Variants in MECOM observed in about 807,000 individuals in gnomAD.
MECOM encodes MDS1 and EVI1 complex locus, also known as histone-lysine N-methyltransferase MECOM.
Under a neutral mutation model 116.3 loss-of-function variants are expected in MECOM, and 13 were observed. That is an observed-to-expected ratio of 0.11 (90% CI 0.07 to 0.18). The LOEUF (loss-of-function observed/expected upper bound fraction) is 0.18, where lower values mean the gene tolerates loss of function less well. Among genes scored for constraint, MECOM ranks in the 10% least tolerant of loss-of-function variants. MECOM has a pLI of 1.00. For missense variants in MECOM, 1,299 were observed against 1,509.0 expected (o/e 0.86, Z 2.31); for synonymous variants, 528 against 535.2 (o/e 0.99, Z 0.19).
chr3:169,509,921 C>T (rs1017222364), intron 1 of MECOM, among the ~76,000 whole-genome samples: 3 of 152,226 alleles, frequency 2.0e-5, no homozygotes, highest in East Asian at 1.9e-4. Flanking sequence ...ATCAGGCTTA[C>T]GCATCTCTTG....
chr3:169,602,928 A>G (rs1340776612), intron 1 of MECOM, among the ~76,000 whole-genome samples: 1 of 152,220 alleles, frequency 6.6e-6, no homozygotes, highest in African/African-American at 2.4e-5. Context: ...TATGTGGTGA[A>G]TAAGTTCACA....
At chr3:169,291,829 T>C (rs1051310065) in intron 2 of MECOM, among the ~76,000 whole-genome samples, 7 of 152,222 alleles carry the variant, frequency 4.6e-5, no homozygotes, top group African/African-American at 1.7e-4. Context: ...TGATTCTGTG[T>C]CTAAATTTGA....
At chr3:169,598,377 A>G (rs933607) in intron 1 of MECOM, among the ~76,000 whole-genome samples, 57,829 of 152,076 alleles carry the variant, frequency 0.38, 11,646 homozygotes, top group East Asian at 0.55. Flanking sequence ...ACTGGCTGAA[A>G]ATTTTTCAAA....
chr3:169,523,630 C>G (rs922168919), intron 1 of MECOM, among the ~76,000 whole-genome samples: 1 of 152,056 alleles, frequency 6.6e-6, no homozygotes, highest in African/African-American at 2.4e-5. Context: ...TGTAACCATT[C>G]CCAAACTTCT....
At chr3:169,355,398 G>A (rs1258426411) in intron 2 of MECOM, among the ~76,000 whole-genome samples, 1 of 151,906 alleles carries the variant, frequency 6.6e-6, no homozygotes, top group African/African-American at 2.4e-5. Context: ...GTTTTCAAAA[G>A]TGAATGTATA....
intron 1 of MECOM, among the ~76,000 whole-genome samples, chr3:169,647,499 T>C (rs868256584): frequency 6.6e-6 from 1 of 152,130 alleles, no homozygotes; most frequent in Non-Finnish European, 1.5e-5. Flanking sequence ...AAATATGCTT[T>C]GAAAAATGTT....
intron 1 of MECOM, among the ~76,000 whole-genome samples, chr3:169,487,744 C>A (rs754809925): frequency 5.9e-5 from 8 of 135,716 alleles, no homozygotes; most frequent in Non-Finnish European, 9.2e-5. Flanking sequence ...GAAACAAAAT[C>A]CAGCTATGTG....
intron 2 of MECOM, among the ~76,000 whole-genome samples, chr3:169,188,895 G>C (rs767807639): frequency 1.8e-4 from 27 of 152,152 alleles, no homozygotes; most frequent in Admixed American, 1.2e-3. Context: ...ATGTTACAAA[G>C]GCTGTGATGA....
chr3:169,131,000 T>C (rs553246958), intron 4 of MECOM, among the ~76,000 whole-genome samples: 57 of 152,262 alleles, frequency 3.7e-4, no homozygotes, highest in African/African-American at 1.0e-3. Flanking sequence ...CCCTCCCATA[T>C]GGTCATATTG....
At chr3:169,649,817 G>A (rs1413452542) in intron 1 of MECOM, among the ~76,000 whole-genome samples, 1 of 152,172 alleles carries the variant, frequency 6.6e-6, no homozygotes, top group Non-Finnish European at 1.5e-5. Flanking sequence ...ATCCCTTAAA[G>A]ATTTATATGA....
rs1439641801 is a variant in MECOM at position 169,127,797 on chromosome 3, T to C, written c.830+47A>G. The C allele has an allele frequency of 1.9e-6, 3 of 1,551,140 alleles. No individual in the cohort carries two copies. In the East Asian group the frequency reaches 6.8e-5, roughly 35 times the overall value. On this transcript the variant is annotated intron_variant, in intron 5 of 16. Coordinates refer to ENST00000651503, the MANE Select transcript of MECOM (RefSeq NM_004991.4). The stretch of plus-strand genomic sequence containing the variant: ...AAAGCCTCAAAATTCAGCATAACAT[T>C]GCAGAAAAAATACACAAGTTGTATG...
intron 1 of MECOM, among the ~76,000 whole-genome samples, chr3:169,443,263 A>G (rs910962846): frequency 6.6e-6 from 1 of 152,006 alleles, no homozygotes; most frequent in East Asian, 1.9e-4. Context: ...CAAAGATTCC[A>G]TTCATGCCCC....
At chr3:169,210,272 C>G (rs189962905) in intron 2 of MECOM, among the ~76,000 whole-genome samples, 2 of 152,116 alleles carry the variant, frequency 1.3e-5, no homozygotes, top group Non-Finnish European at 2.9e-5. Context: ...TAGATGCAGC[C>G]AACCACCATG....
At chr3:169,112,625 A>G (rs935120598) in intron 9 of MECOM, among the ~76,000 whole-genome samples, 162 bp downstream of exon 9, 2 of 152,120 alleles carry the variant, frequency 1.3e-5, no homozygotes, top group African/African-American at 4.8e-5. Flanking sequence ...ATTTTTCTTT[A>G]AAGAGTTTGG....
At chr3:169,234,134 A>AT (rs560545903) in intron 2 of MECOM, among the ~76,000 whole-genome samples, 7 of 152,168 alleles carry the variant, frequency 4.6e-5, no homozygotes, top group African/African-American at 1.7e-4. Flanking sequence ...TATGAGACAG[A>AT]TTTTTTGGAG....
At chr3:169,574,378 G>A (rs1306945041) in intron 1 of MECOM, among the ~76,000 whole-genome samples, 2 of 151,906 alleles carry the variant, frequency 1.3e-5, no homozygotes, top group Non-Finnish European at 2.9e-5. Flanking sequence ...AAAGAGCTAA[G>A]AGTGAAGGAA....
intron 1 of MECOM, among the ~76,000 whole-genome samples, chr3:169,591,315 T>G (rs944395816): frequency 2.0e-5 from 3 of 152,214 alleles, no homozygotes; most frequent in African/African-American, 7.2e-5. Flanking sequence ...TAAGTTATAA[T>G]GTGGGTTTAG....
intron 2 of MECOM, among the ~76,000 whole-genome samples, chr3:169,343,169 G>C (rs1392557675): frequency 6.6e-6 from 1 of 152,150 alleles, no homozygotes; most frequent in Non-Finnish European, 1.5e-5. Flanking sequence ...GTCTTTAGCA[G>C]GTTTTTGTTT....
Position 169,663,560 on chromosome 3 carries a change from C to A in MECOM, c.-188G>T. 3.2e-6 allele frequency: 2 copies of A among 626,950 alleles called. No individual in the cohort carries two copies. The highest frequency in any genetic ancestry group is 5.7e-6 in the Non-Finnish European group (2 of 352,908). The allele number at this position is 626,950 out of a possible 1,614,324, so 38.8% of individuals were successfully genotyped here. On this transcript the variant is annotated 5_prime_UTR_variant, in exon 1 of 17. Coordinates refer to ENST00000651503, the MANE Select transcript of MECOM (RefSeq NM_004991.4). ...CCTCCTGTTTCTCTCCTGTTTCTCT[C>A]TCTCTTCCACACACTCACTCTCTGT...
Sources: gnomAD v4.1 joint callset for allele counts (sites outside exome capture counted in the v4.1 genomes callset) on GRCh38, gnomAD v4.1.1 for gene constraint, MANE v1.5 for transcripts, NCBI Gene and HGNC (gene_info 2026-07-23, HGNC 2026-07-21) for gene names.